TXLNG: variants seen among roughly 807,000 people sequenced by gnomAD.
TXLNG encodes the protein taxilin gamma.
TXLNG carries 5 observed loss-of-function variants against 38.8 expected under a neutral mutation model. That is an observed-to-expected ratio of 0.13 (90% CI 0.07 to 0.27). The LOEUF (loss-of-function observed/expected upper bound fraction) is 0.27, where lower values mean the gene tolerates loss of function less well. TXLNG is among the 10% of genes least tolerant of loss of function. The pLI, the probability that TXLNG is intolerant of heterozygous loss-of-function variation, is 1.00. For synonymous variants in TXLNG, 182 were observed against 158.2 expected (o/e 1.15, Z -1.13); for missense variants, 393 against 398.2 (o/e 0.99, Z 0.11).
At chrX:16,797,214 T>A (rs775949593) in intron 1 of TXLNG, among the ~76,000 whole-genome samples, 31 of 106,396 alleles carry the variant, frequency 2.9e-4, no homozygotes, top group Middle Eastern at 4.7e-3. Flanking sequence ...AACCCAGGAG[T>A]TGGAGGTTGC....
At position 16,843,509 on chromosome X, in the gene TXLNG, C is replaced by T. The variant is rs781355620; in HGVS notation, c.*1743C>T. ...CTTAGGAGTACACCCTGTTCTGCTA[C>T]TAAAATACTAGACTCATTTCCCTGG... On this transcript the variant is annotated 3_prime_UTR_variant, in exon 10 of 10. Coordinates refer to ENST00000380122, the MANE Select transcript of TXLNG (RefSeq NM_018360.3). The T allele has an allele frequency of 1.1e-4, 12 of 112,147 alleles. No individual in the cohort carries two copies. Among genetic ancestry groups the T allele is most frequent in the African/African-American group, 3.9e-4 (12 of 30,923 alleles). The allele number at this position is 112,147 out of a possible 1,213,427, so 9.2% of individuals were successfully genotyped here. A position where few individuals can be genotyped will look rare whatever the true frequency, so the allele number is the denominator to read the frequency against.
At chrX:16,788,652 A>G (rs1401416687) in intron 1 of TXLNG, among the ~76,000 whole-genome samples, 2 of 105,100 alleles carry the variant, frequency 1.9e-5, no homozygotes, top group African/African-American at 3.4e-5. Flanking sequence ...TTAAAAAAAC[A>G]AACAAACTTG....
chrX:16,843,945 C>G lies in TXLNG; in HGVS notation c.*2179C>G, dbSNP rs1312176566. The G allele has an allele frequency of 2.7e-5, 3 of 111,915 alleles. No individual in the cohort carries two copies. The highest frequency in any genetic ancestry group is 5.6e-5 in the Non-Finnish European group (3 of 53,218). The allele number at this position is 111,915 out of a possible 1,213,427, so 9.2% of individuals were successfully genotyped here. A position where few individuals can be genotyped will look rare whatever the true frequency, so the allele number is the denominator to read the frequency against. On this transcript the variant is annotated 3_prime_UTR_variant, in exon 10 of 10. Transcript: ENST00000380122. ...ACATCTTCCTACAGTGATCACCTCA[C>G]CAGCCCAGTGTTGTGGCTTTGTAGC...
intron 1 of TXLNG, among the ~76,000 whole-genome samples, chrX:16,811,632 G>A (rs909170419): frequency 9.2e-6 from 1 of 108,151 alleles, no homozygotes; most frequent in African/African-American, 3.4e-5. Context: ...ACAGGTGTGA[G>A]CCACCGTGGC....
chrX:16,823,407 G>A (rs1035265914), intron 3 of TXLNG, among the ~76,000 whole-genome samples: 1 of 94,246 alleles, frequency 1.1e-5, no homozygotes, highest in Admixed American at 1.3e-4. Flanking sequence ...GTGGTGAGCC[G>A]AGATCGTGCC....
intron 3 of TXLNG, among the ~76,000 whole-genome samples, chrX:16,824,998 G>A (rs1408802783): frequency 9.0e-6 from 1 of 110,852 alleles, no homozygotes; most frequent in Non-Finnish European, 1.9e-5. Context: ...ACCAGCAGGC[G>A]ATTTAGTATC....
intron 1 of TXLNG, among the ~76,000 whole-genome samples, chrX:16,817,836 G>A (rs1160407913): frequency 1.8e-5 from 2 of 112,220 alleles, no homozygotes; most frequent in African/African-American, 6.5e-5. Context: ...TTTATTTCTT[G>A]TTCACCTATA....
intron 1 of TXLNG, among the ~76,000 whole-genome samples, chrX:16,814,869 A>C (rs779915110): frequency 1.2e-4 from 14 of 112,273 alleles, no homozygotes; most frequent in Non-Finnish European, 2.6e-4. Context: ...TGTACACTTT[A>C]AGTTAGGGAA....
chrX:16,839,711 A>G (rs28440867), intron 8 of TXLNG, 110 bp from the exon 9 acceptor site: 9 of 470,973 alleles, frequency 1.9e-5, no homozygotes, highest in Non-Finnish European at 3.2e-5. Flanking sequence ...TGGGTGAGGG[A>G]GGTGCAGGGA....
intron 1 of TXLNG, among the ~76,000 whole-genome samples, chrX:16,801,167 T>A (rs1418935383): frequency 8.9e-6 from 1 of 111,833 alleles, no homozygotes; most frequent in Non-Finnish European, 1.9e-5. Context: ...TCTTATAAAT[T>A]ACCCAGTCTC....
chrX:16,836,377 C>CA, intron 7 of TXLNG, among the ~76,000 whole-genome samples: 1 of 112,699 alleles, frequency 8.9e-6, no homozygotes, highest in Middle Eastern at 4.6e-3. Flanking sequence ...GAGGCCCCGT[C>CA]AGTGTCTGCT....
intron 7 of TXLNG, among the ~76,000 whole-genome samples, chrX:16,836,703 G>A (rs73207144): frequency 8.9e-6 from 1 of 112,677 alleles, no homozygotes; most frequent in Non-Finnish European, 1.9e-5. Context: ...ATCCAGCACT[G>A]CTTATGCTGT....
chrX:16,797,832 A>G (rs1436364610), intron 1 of TXLNG, among the ~76,000 whole-genome samples: 2 of 112,903 alleles, frequency 1.8e-5, no homozygotes, highest in African/African-American at 3.2e-5. Context: ...ACATGTTAAC[A>G]TAAGTAACAT....
Position 16,788,667 on chromosome X carries a change from G to GTTTTTTT in TXLNG, c.102+2090_102+2096dup, listed in dbSNP as rs10668899. Among the ~76,000 whole-genome samples, 77 of 80,295 alleles carry GTTTTTTT rather than the reference G, an allele frequency of 9.6e-4. 1 individual carries two copies. The highest frequency in any genetic ancestry group is 2.2e-3 in the African/African-American group (47 of 21,082). 69.7% of individuals were successfully genotyped at this position (80,295 alleles called of 115,157 possible). ...TTAAAAAAACAAACAAACTTGTTGTGTTTTTTTTTTTTTTTTTTGAGTCAG... is the reference window on the plus strand; with the variant it reads ...TTAAAAAAACAAACAAACTTGTTGTGTTTTTTTTTTTTTTTTTTTTTTTTTGAGTCAG... On this transcript the variant is annotated intron_variant, in intron 1 of 9. Coordinates refer to ENST00000380122, the MANE Select transcript of TXLNG (RefSeq NM_018360.3).
chrX:16,817,160 C>G (rs750912970), intron 1 of TXLNG, among the ~76,000 whole-genome samples: 1 of 112,345 alleles, frequency 8.9e-6, no homozygotes, highest in Non-Finnish European at 1.9e-5. Context: ...TATAGTTTAT[C>G]CATTCTGCTA....
At chrX:16,791,679 G>A (rs909043981) in intron 1 of TXLNG, among the ~76,000 whole-genome samples, 3 of 111,698 alleles carry the variant, frequency 2.7e-5, no homozygotes, top group South Asian at 3.7e-4. Flanking sequence ...TCCACTTTCC[G>A]GGTTCAAGTG....
chrX:16,794,817 C>T (rs1927824268), intron 1 of TXLNG, among the ~76,000 whole-genome samples: 2 of 111,841 alleles, frequency 1.8e-5, no homozygotes, highest in South Asian at 7.4e-4. Context: ...AAGTATATTT[C>T]AGTGGCTTTG....
Position 16,844,257 on chromosome X carries a change from A to G in TXLNG, c.*2491A>G, listed in dbSNP as rs923977475. On this transcript the variant is annotated 3_prime_UTR_variant, in exon 10 of 10. Coordinates refer to ENST00000380122, the MANE Select transcript of TXLNG (RefSeq NM_018360.3). ...TATTACACCTGGTTATCACAATTCA[A>G]TTCTCAGGTGTTGCAGAAAAATCTA... 1 of 111,813 alleles carries G rather than the reference A, an allele frequency of 8.9e-6. No individual in the cohort carries two copies. Among genetic ancestry groups the G allele is most frequent in the African/African-American group, 3.3e-5 (1 of 30,689 alleles). 9.2% of individuals were successfully genotyped at this position (111,813 alleles called of 1,213,427 possible).
Position 16,812,775 on chromosome X carries a change from C to T in TXLNG, c.103-5799C>T, listed in dbSNP as rs756002790. On this transcript the variant is annotated intron_variant, in intron 1 of 9. Transcript: ENST00000380122. ...GGAGTACAATGGTGTGATCTCGGCT[C>T]ACCACAACCTCTGCCTCGCAGGTTC... 1.7e-3 allele frequency among the ~76,000 whole-genome samples: 152 copies of T among 89,394 alleles called. 2 individuals are homozygous for T. Among genetic ancestry groups the T allele is most frequent in the African/African-American group, 5.6e-3 (133 of 23,843 alleles). 77.6% of individuals were successfully genotyped at this position (89,394 alleles called of 115,157 possible).
Sources: allele counts gnomAD v4.1 joint callset (sites outside exome capture counted in the v4.1 genomes callset), GRCh38; gene constraint gnomAD v4.1.1; transcripts MANE v1.5; gene names NCBI Gene and HGNC (gene_info 2026-07-23, HGNC 2026-07-21).